UBAP2L: variants seen among roughly 807,000 people sequenced by gnomAD.
The protein encoded by UBAP2L is ubiquitin-associated protein 2-like.
Under a neutral mutation model 130.6 loss-of-function variants are expected in UBAP2L, and 12 were observed. The observed-to-expected ratio is 0.09, with a 90% CI of 0.06 to 0.15. The LOEUF (loss-of-function observed/expected upper bound fraction) is 0.15. UBAP2L is among the 10% of genes least tolerant of loss of function. The pLI, the probability that UBAP2L is intolerant of heterozygous loss-of-function variation, is 1.00. For missense variants in UBAP2L, 965 were observed against 1,332.5 expected (o/e 0.72, Z 4.29); for synonymous variants, 503 against 524.7 (o/e 0.96, Z 0.57).
downstream of UBAP2L, chr1:154,270,990 C>T: frequency 1.3e-6 from 2 of 1,519,334 alleles, no homozygotes; most frequent in Non-Finnish European, 1.8e-6. Context: ...AATCTTCGCC[C>T]TTTAAGAACT....
chr1:154,229,712 C>T (rs1669178341), intron 4 of UBAP2L, among the ~76,000 whole-genome samples: 1 of 152,158 alleles, frequency 6.6e-6, no homozygotes, highest in South Asian at 2.1e-4. Context: ...TAGCTGCCCG[C>T]CTCGTCCTCC....
At chr1:154,250,581 C>T (rs567931052) in intron 12 of UBAP2L, among the ~76,000 whole-genome samples, 2 of 152,138 alleles carry the variant, frequency 1.3e-5, no homozygotes, top group East Asian at 1.9e-4. Flanking sequence ...AGGCCAGGTG[C>T]GGCAGCTCAT....
intron 1 of UBAP2L, among the ~76,000 whole-genome samples, chr1:154,221,755 G>A (rs530332813): frequency 6.6e-6 from 1 of 152,266 alleles, no homozygotes; most frequent in African/African-American, 2.4e-5. Context: ...CCCAGTTCTT[G>A]GAATATGTTT....
chr1:154,263,415 T>A, intron 24 of UBAP2L: 3 of 1,242,518 alleles, frequency 2.4e-6, no homozygotes, highest in South Asian at 6.3e-5. Context: ...ACACACCTGC[T>A]GTTGCTTTTG....
rs547698306 is a variant in UBAP2L, at chr1:154,233,772, AT to A, written c.280-817del. On this transcript the variant is annotated intron_variant, in intron 4 of 26. Transcript: ENST00000428931. The stretch of plus-strand genomic sequence containing the variant: ...GTAGAATGCTGCTCATTCATTCTGA[AT>A]TCATAGGTAACTTTTAGAAACATTT... Among the ~76,000 whole-genome samples the A allele has an allele frequency of 2.7e-4, 41 of 151,352 alleles. 1 individual carries two copies. Among genetic ancestry groups the A allele is most frequent in the South Asian group, 6.2e-4 (3 of 4,834 alleles).
chr1:154,221,741 C>T (rs909145444), intron 1 of UBAP2L, among the ~76,000 whole-genome samples: 1 of 152,232 alleles, frequency 6.6e-6, no homozygotes, highest in African/African-American at 2.4e-5. Flanking sequence ...TTCTTTCTCA[C>T]CAACCCAGTT....
chr1:154,250,379 T>C (rs1201194593), intron 12 of UBAP2L, among the ~76,000 whole-genome samples: 82 of 151,978 alleles, frequency 5.4e-4, no homozygotes, highest in Non-Finnish European at 5.9e-5. Context: ...AACATTATAA[T>C]GAAATCATGT....
intron 26 of UBAP2L, chr1:154,269,274 C>G: frequency 7.8e-7 from 1 of 1,283,228 alleles, no homozygotes; most frequent in Non-Finnish European, 1.1e-6. Context: ...TTCCCTCTTC[C>G]CTGACATTTT....
chr1:154,229,453 T>G (rs1446099018), intron 4 of UBAP2L, among the ~76,000 whole-genome samples: 3 of 152,194 alleles, frequency 2.0e-5, no homozygotes, highest in Admixed American at 6.5e-5. Context: ...AAATTTTGTT[T>G]TTTTAATGAG....
intron 21 of UBAP2L, chr1:154,259,685 T>C: frequency 3.5e-6 from 2 of 569,862 alleles, no homozygotes. Flanking sequence ...ACCTAGAGGG[T>C]TGAAAATATT....
At chr1:154,262,100 G>T (rs1163102595) in intron 24 of UBAP2L, among the ~76,000 whole-genome samples, 3 of 152,230 alleles carry the variant, frequency 2.0e-5, no homozygotes, top group Non-Finnish European at 2.9e-5. Flanking sequence ...TTCATAGCTA[G>T]CAGCCTACGA....
At chr1:154,247,663 A>C (rs1451848921) in intron 11 of UBAP2L, among the ~76,000 whole-genome samples, 1 of 152,194 alleles carries the variant, frequency 6.6e-6, no homozygotes, top group African/African-American at 2.4e-5. Flanking sequence ...TAGGAGTTCA[A>C]GACTATAGTG....
At chr1:154,231,443 G>A (rs964626307) in intron 4 of UBAP2L, among the ~76,000 whole-genome samples, 1 of 152,038 alleles carries the variant, frequency 6.6e-6, no homozygotes, top group Non-Finnish European at 1.5e-5. Flanking sequence ...TAGGGCCACA[G>A]GTGTGTGCCA....
At chr1:154,233,158 T>C (rs1419929662) in intron 4 of UBAP2L, among the ~76,000 whole-genome samples, 1 of 151,920 alleles carries the variant, frequency 6.6e-6, no homozygotes, top group Non-Finnish European at 1.5e-5. Flanking sequence ...GGATTACAGG[T>C]GCCTGCCACC....
intron 4 of UBAP2L, among the ~76,000 whole-genome samples, chr1:154,230,593 T>G (rs1669519854): frequency 6.6e-6 from 1 of 152,246 alleles, no homozygotes; most frequent in Non-Finnish European, 1.5e-5. Flanking sequence ...TGGGGCTATT[T>G]ATGTTTTTTT....
intron 8 of UBAP2L, among the ~76,000 whole-genome samples, chr1:154,240,144 G>A (rs1362619464): frequency 6.6e-6 from 1 of 152,132 alleles, no homozygotes; most frequent in Non-Finnish European, 1.5e-5. Context: ...TTTCCAGTAG[G>A]AGGGAAGGAT....
intron 2 of UBAP2L, among the ~76,000 whole-genome samples, 189 bp downstream of exon 2, chr1:154,225,402 C>T (rs1667582403): frequency 6.6e-6 from 1 of 151,224 alleles, no homozygotes; most frequent in Non-Finnish European, 1.5e-5. Context: ...AAGATGCTTA[C>T]TTTTTTGTTG....
In UBAP2L at chr1:154,270,678, A is replaced by G. The variant is rs1396620111; in HGVS notation, c.*383A>G. 1 of 1,409,580 alleles carries G rather than the reference A, an allele frequency of 7.1e-7. No individual in the cohort carries two copies. The highest frequency in any genetic ancestry group is 9.2e-7 in the Non-Finnish European group (1 of 1,088,512). The allele number at this position is 1,409,580 out of a possible 1,614,324, so 87.3% of individuals were successfully genotyped here. A position where few individuals can be genotyped will look rare whatever the true frequency, so the allele number is the denominator to read the frequency against. On this transcript the variant is annotated 3_prime_UTR_variant, in exon 27 of 27. Coordinates refer to ENST00000428931, the MANE Select transcript of UBAP2L (RefSeq NM_014847.4). Reference sequence around the variant, plus strand: ...ACAGCCCTAAGTCTCCTTCTTTATTATTAGGAAAACAACAACAACAACAAA... The same window carrying G: ...ACAGCCCTAAGTCTCCTTCTTTATTGTTAGGAAAACAACAACAACAACAAA...
chr1:154,229,269 A>T (rs1205169417), intron 4 of UBAP2L, among the ~76,000 whole-genome samples: 2 of 151,978 alleles, frequency 1.3e-5, no homozygotes, highest in Non-Finnish European at 2.9e-5. Flanking sequence ...ATCCCTGGAG[A>T]TGATAGGGGA....
Sources: gnomAD v4.1 joint callset for allele counts (sites outside exome capture counted in the v4.1 genomes callset) on GRCh38, gnomAD v4.1.1 for gene constraint, MANE v1.5 for transcripts, NCBI Gene and HGNC (gene_info 2026-07-23, HGNC 2026-07-21) for gene names.